MCPH1: variants seen among roughly 807,000 people sequenced by gnomAD.
MCPH1 encodes microcephalin 1, also known as microcephalin.
MCPH1 carries 104 observed loss-of-function variants against 84.5 expected under a neutral mutation model. The observed-to-expected ratio is 1.23, with a 90% CI of 1.05 to 1.45. The LOEUF is 1.45. MCPH1 is among the 40% of genes most tolerant of loss of function. The pLI is 0.00. For synonymous variants in MCPH1, 514 were observed against 366.8 expected (o/e 1.40, Z -4.58); for missense variants, 1,498 against 1,005.7 (o/e 1.49, Z -6.62).
At chr8:6,559,369 A>G (rs1825165045) in intron 12 of MCPH1, among the ~76,000 whole-genome samples, 2 of 152,140 alleles carry the variant, frequency 1.3e-5, no homozygotes, top group South Asian at 4.1e-4. Context: ...GCATAACTGC[A>G]TGGTTTCCTA....
intron 12 of MCPH1, among the ~76,000 whole-genome samples, chr8:6,599,285 T>C (rs954612308): frequency 1.3e-5 from 2 of 152,214 alleles, no homozygotes; most frequent in Non-Finnish European, 1.5e-5. Context: ...TCGATACCTT[T>C]GGAATTTTTT....
chr8:6,482,877 G>C (rs539270741), intron 11 of MCPH1, among the ~76,000 whole-genome samples: 1 of 152,302 alleles, frequency 6.6e-6, no homozygotes, highest in South Asian at 2.1e-4. Context: ...CTGGAGGGAA[G>C]AACCTGGGGC....
rs73516761 is a variant in MCPH1, at chr8:6,432,070, C to T, written c.321+484C>T. On this transcript the variant is annotated intron_variant, in intron 4 of 13. Transcript: ENST00000344683. ...CCACAGATAACAAAATCCACTGATG[C>T]TCAAGTCCCTTATATAAAATGCCAT... is the stretch of plus-strand genomic sequence containing the variant. Among the ~76,000 whole-genome samples, 1,296 of 152,328 alleles carry T rather than the reference C, an allele frequency of 8.5e-3. 24 individuals carry two copies. The highest frequency in any genetic ancestry group is 0.029 in the African/African-American group (1,217 of 41,574).
At chr8:6,514,432 A>G (rs905107531) in intron 12 of MCPH1, among the ~76,000 whole-genome samples, 19 of 152,084 alleles carry the variant, frequency 1.2e-4, no homozygotes, top group African/African-American at 4.6e-4. Context: ...CAGGTAATCC[A>G]TCTGCCTCGG....
chr8:6,415,206 A>T (rs1799095072), intron 3 of MCPH1, among the ~76,000 whole-genome samples: 1 of 152,028 alleles, frequency 6.6e-6, no homozygotes, highest in Admixed American at 6.6e-5. Flanking sequence ...AGGACCACAG[A>T]ATGGGTCGCT....
At chr8:6,433,870 C>A (rs1341064110) in intron 4 of MCPH1, among the ~76,000 whole-genome samples, 1 of 151,952 alleles carries the variant, frequency 6.6e-6, no homozygotes, top group East Asian at 1.9e-4. Flanking sequence ...GCCTCTGTCT[C>A]CCCCCTCACC....
intron 12 of MCPH1, among the ~76,000 whole-genome samples, chr8:6,507,302 T>C (rs768059914): frequency 1.4e-4 from 22 of 152,362 alleles, no homozygotes; most frequent in Non-Finnish European, 1.3e-4. Context: ...CTGTTACCTT[T>C]GGTTTTCCTG....
In MCPH1 at chr8:6,455,257, G is replaced by A. The variant is rs1805551611; in HGVS notation, c.1935+5G>A. 2 of 1,587,822 alleles carry A rather than the reference G, an allele frequency of 1.3e-6. No individual in the cohort carries two copies. Among genetic ancestry groups the A allele is most frequent in the South Asian group, 1.1e-5 (1 of 90,582 alleles). On this transcript the variant is annotated splice_donor_5th_base_variant and intron_variant, in intron 9 of 13. Coordinates refer to ENST00000344683, the MANE Select transcript of MCPH1 (RefSeq NM_024596.5). ...AAAAGTGGGAGAGGCAAAAAGGTCA[G>A]TGTGTAAAAATATTATTTTAAACTT...
intron 8 of MCPH1, among the ~76,000 whole-genome samples, chr8:6,452,858 T>G (rs1805243937): frequency 6.6e-6 from 1 of 152,216 alleles, no homozygotes; most frequent in South Asian, 2.1e-4. Flanking sequence ...AGACAGACAT[T>G]CATCCAACTG....
chr8:6,628,469 CAAAAAAA>C (rs34188003), intron 13 of MCPH1, among the ~76,000 whole-genome samples: 1 of 41,582 alleles, frequency 2.4e-5, no homozygotes, highest in Non-Finnish European at 4.8e-5. Flanking sequence ...GACTCTGTCT[CAAAAAAA>C]AAAAAAAAAA....
intron 11 of MCPH1, among the ~76,000 whole-genome samples, chr8:6,492,372 A>G (rs1810713958): frequency 6.6e-6 from 1 of 152,034 alleles, no homozygotes; most frequent in Non-Finnish European, 1.5e-5. Context: ...TCTGGATATT[A>G]GCCCTTTGTC....
intron 12 of MCPH1, among the ~76,000 whole-genome samples, chr8:6,518,467 T>A (rs944399959): frequency 1.3e-5 from 2 of 152,200 alleles, no homozygotes; most frequent in Non-Finnish European, 2.9e-5. Flanking sequence ...TCAGGGTTGA[T>A]TTAACACAGC....
intron 12 of MCPH1, among the ~76,000 whole-genome samples, chr8:6,534,045 C>A (rs2959811): frequency 0.35 from 52,793 of 151,814 alleles, 9,593 homozygotes; most frequent in Non-Finnish European, 0.4. Flanking sequence ...GCTCCCAGCT[C>A]CCTGCATGCC....
intron 12 of MCPH1, among the ~76,000 whole-genome samples, chr8:6,608,325 G>C (rs1289627059): frequency 1.3e-5 from 2 of 152,240 alleles, no homozygotes; most frequent in African/African-American, 4.8e-5. Flanking sequence ...TCGGCCTAAA[G>C]GCAATCGCAA....
At position 6,521,268 on chromosome 8, in the gene MCPH1, C is replaced by T. The variant is rs1817282686; in HGVS notation, c.2214+21339C>T. ...TGAAGAACTGAATTATTCACCGTGG[C>T]AGTCACTATTTTTTTTTCTAGTTCT... On this transcript the variant is annotated intron_variant, in intron 12 of 13. Coordinates refer to ENST00000344683, the MANE Select transcript of MCPH1 (RefSeq NM_024596.5). 3 of 1,613,920 alleles carry T rather than the reference C, an allele frequency of 1.9e-6. No homozygotes were observed. The East Asian group carries it at 6.7e-5, about 36-fold the overall frequency.
intron 12 of MCPH1, among the ~76,000 whole-genome samples, chr8:6,599,964 T>C (rs1269721105): frequency 6.6e-6 from 1 of 152,262 alleles, no homozygotes; most frequent in East Asian, 1.9e-4. Flanking sequence ...GTATTAGAGA[T>C]TAACAAAGAG....
intron 12 of MCPH1, chr8:6,618,784 C>T (rs1831113984): frequency 1.3e-5 from 2 of 152,112 alleles, no homozygotes; most frequent in East Asian, 1.9e-4. Context: ...ATTTAGGGGT[C>T]TTTTTTTCTG....
At chr8:6,447,535 G>T (rs377485074) in intron 8 of MCPH1, 8 of 656,040 alleles carry the variant, frequency 1.2e-5, no homozygotes, top group Non-Finnish European at 1.5e-5. Context: ...AAACAATTTT[G>T]GTTTTGTTTT....
chr8:6,512,145 G>A (rs1412418482), intron 12 of MCPH1, among the ~76,000 whole-genome samples: 1 of 152,084 alleles, frequency 6.6e-6, no homozygotes, highest in African/African-American at 2.4e-5. Flanking sequence ...ATGCTTCACT[G>A]ATGTTTAAAG....
Sources: allele counts gnomAD v4.1 joint callset (sites outside exome capture counted in the v4.1 genomes callset), GRCh38; gene constraint gnomAD v4.1.1; transcripts MANE v1.5; gene names NCBI Gene and HGNC (gene_info 2026-07-23, HGNC 2026-07-21).